The following ZFHX3 variants were observed in gnomAD, a reference collection of about 807,000 sequenced individuals.
ZFHX3 encodes the protein zinc finger homeobox protein 3.
ZFHX3 carries 42 observed loss-of-function variants against 279.1 expected under a neutral mutation model. The observed-to-expected ratio is 0.15, with a 90% confidence interval of 0.12 to 0.19. ZFHX3 has a LOEUF of 0.19. Among genes scored for constraint, ZFHX3 ranks in the 10% least tolerant of loss-of-function variants. The probability of loss-of-function intolerance (pLI) is 1.00; values close to 1 mark genes in which losing one functional copy is unlikely to be tolerated. For missense variants in ZFHX3, 4,981 were observed against 4,754.0 expected, an observed-to-expected ratio of 1.05 and a Z score of -1.40; for synonymous variants, 2,293 against 1,957.8, an observed-to-expected ratio of 1.17 and a Z score of -4.52.
At chr16:73,287,029 T>G (rs1463851322) in intron 4 of ZFHX3, among the ~76,000 whole-genome samples, 1 of 146,762 alleles carries the variant, frequency 6.8e-6, no homozygotes, top group Non-Finnish European at 1.5e-5. Flanking sequence ...TATGTGGCTG[T>G]GTGAGTGTGT....
chr16:73,068,705 G>A (rs1048932017), intron 8 of ZFHX3, among the ~76,000 whole-genome samples: 4 of 152,198 alleles, frequency 2.6e-5, no homozygotes, highest in African/African-American at 9.6e-5. Context: ...ATGATCAGAT[G>A]ACCAACTGCT....
At chr16:73,814,655 C>T (rs1960517961) in intron 1 of ZFHX3, among the ~76,000 whole-genome samples, 3 of 151,710 alleles carry the variant, frequency 2.0e-5, no homozygotes, top group Admixed American at 1.3e-4. Flanking sequence ...TCAGCCTCTG[C>T]CTCCTGGGTT....
At chr16:73,094,446 A>G (rs984015165) in intron 7 of ZFHX3, 5 of 151,768 alleles carry the variant, frequency 3.3e-5, no homozygotes, top group African/African-American at 1.2e-4. Flanking sequence ...TTAGATTAAA[A>G]ATGTGTTTGT....
At chr16:73,589,040 C>A (rs528726916) in intron 2 of ZFHX3, among the ~76,000 whole-genome samples, 9 of 151,810 alleles carry the variant, frequency 5.9e-5, no homozygotes, top group Admixed American at 3.3e-4. Flanking sequence ...GCTGGCAGAT[C>A]ATGAAGTCAG....
intron 5 of ZFHX3, among the ~76,000 whole-genome samples, chr16:73,171,160 T>C (rs1039469131): frequency 1.3e-5 from 2 of 152,150 alleles, no homozygotes; most frequent in Non-Finnish European, 2.9e-5. Flanking sequence ...GTATTAGATT[T>C]CATCCCCCCA....
intron 1 of ZFHX3, among the ~76,000 whole-genome samples, chr16:73,030,951 A>G (rs1247606228): frequency 1.3e-5 from 2 of 152,028 alleles, no homozygotes; most frequent in African/African-American, 4.8e-5. Context: ...TACTCGTCCA[A>G]GTTACAGAAG....
chr16:73,278,550 T>C (rs767937332), intron 4 of ZFHX3, among the ~76,000 whole-genome samples: 1 of 152,182 alleles, frequency 6.6e-6, no homozygotes, highest in Non-Finnish European at 1.5e-5. Flanking sequence ...AGAACAAAGC[T>C]TCCACACTGT....
chr16:73,848,011 G>A (rs764347864), intron 1 of ZFHX3, among the ~76,000 whole-genome samples: 24 of 145,426 alleles, frequency 1.7e-4, no homozygotes, highest in Non-Finnish European at 3.1e-4. Context: ...CACCCACCTC[G>A]GCTTCCCAAA....
intron 2 of ZFHX3, among the ~76,000 whole-genome samples, chr16:73,576,634 T>C (rs1011673260): frequency 1.6e-4 from 24 of 152,156 alleles, no homozygotes; most frequent in African/African-American, 5.3e-4. Context: ...TTAACATGTA[T>C]GTCCCAAAGC....
In ZFHX3 at chr16:73,546,677, C is replaced by T. The variant is rs1222752676; in HGVS notation, c.-1546-90419G>A. ...AAAGCTTTGGGTGCTGCTGTTGCTG[C>T]TGCTGCTGCTGCTGCTGCTGCTGCT... is the stretch of plus-strand genomic sequence containing the variant. On this transcript the variant is annotated intron_variant, in intron 2 of 17. Coordinates refer to the ZFHX3 transcript ENST00000641206. Among the ~76,000 whole-genome samples the T allele has an allele frequency of 4.8e-4, 7 of 14,594 alleles. No individual in the cohort carries two copies. In the South Asian group the frequency reaches 0.022, roughly 45 times the overall value. The allele number at this position is 14,594 out of a possible 152,430, so 9.6% of individuals were successfully genotyped here. A position where few individuals can be genotyped will look rare whatever the true frequency, so the allele number is the denominator to read the frequency against.
chr16:73,795,599 C>G (rs1959966637), intron 1 of ZFHX3, among the ~76,000 whole-genome samples: 1 of 152,114 alleles, frequency 6.6e-6, no homozygotes, highest in South Asian at 2.1e-4. Flanking sequence ...CTGATTGTCC[C>G]TAGGAAGAGC....
At chr16:73,378,062 A>G (rs1179235854) in intron 3 of ZFHX3, among the ~76,000 whole-genome samples, 1 of 139,640 alleles carries the variant, frequency 7.2e-6, no homozygotes, top group African/African-American at 2.7e-5. Flanking sequence ...AAAAAAAAAA[A>G]AAAAAAATCT....
intron 2 of ZFHX3, among the ~76,000 whole-genome samples, chr16:73,512,103 C>T (rs773024246): frequency 6.6e-6 from 1 of 151,848 alleles, no homozygotes; most frequent in African/African-American, 2.4e-5. Flanking sequence ...CAGGAACAGC[C>T]GGACACGGGA....
chr16:72,799,670 G>A (rs1221826422), intron 8 of ZFHX3, among the ~76,000 whole-genome samples: 1 of 152,142 alleles, frequency 6.6e-6, no homozygotes, highest in Non-Finnish European at 1.5e-5. Context: ...CAACCCACAA[G>A]TCCCTACTAA....
rs151268771 is a variant in ZFHX3 at position 73,663,260 on chromosome 16, C to T, written c.-1547+16920G>A. Among the ~76,000 whole-genome samples, 5 of 152,288 alleles carry T rather than the reference C, an allele frequency of 3.3e-5. No homozygotes were observed. In the East Asian group the frequency reaches 9.7e-4, roughly 30 times the overall value. On this transcript the variant is annotated intron_variant, in intron 2 of 17. Transcript: ENST00000641206. The stretch of plus-strand genomic sequence containing the variant: ...AGTAGCTTGCTTCCCATCTTTTTGT[C>T]TAATTGACTCTCCTTGATGCTGTTT...
intron 2 of ZFHX3, among the ~76,000 whole-genome samples, chr16:73,520,710 T>C (rs1333750737): frequency 6.6e-6 from 1 of 152,242 alleles, no homozygotes; most frequent in Non-Finnish European, 1.5e-5. Flanking sequence ...AAGTCACCTA[T>C]GGTGTTAAAT....
chr16:73,672,463 T>C (rs1373199132), intron 2 of ZFHX3, among the ~76,000 whole-genome samples: 2 of 152,164 alleles, frequency 1.3e-5, no homozygotes, highest in Non-Finnish European at 2.9e-5. Flanking sequence ...CTCAAGAACA[T>C]TTCATGTCTG....
intron 1 of ZFHX3, among the ~76,000 whole-genome samples, chr16:72,982,781 GCAA>G (rs533283162): frequency 4.8e-4 from 73 of 152,304 alleles, no homozygotes; most frequent in African/African-American, 1.6e-3. Flanking sequence ...TAGCCTGGGT[GCAA>G]CTCCTCCTCT....
intron 2 of ZFHX3, among the ~76,000 whole-genome samples, chr16:73,535,699 C>A (rs1016361375): frequency 6.6e-6 from 1 of 151,008 alleles, no homozygotes; most frequent in Non-Finnish European, 1.5e-5. Flanking sequence ...AGGGTTGGCC[C>A]TTGGGTTCTA....
Sources: allele counts gnomAD v4.1 joint callset (sites outside exome capture counted in the v4.1 genomes callset), GRCh38; gene constraint gnomAD v4.1.1; transcripts MANE v1.5; gene names NCBI Gene and HGNC (gene_info 2026-07-23, HGNC 2026-07-21).